Variants in FGF13 observed in about 807,000 individuals in gnomAD.
FGF13 encodes fibroblast growth factor homologous factor 2.
A neutral mutation model predicts 19.5 loss-of-function variants in FGF13; 2 were observed. The ratio of observed to expected loss-of-function variants is 0.10; its 90% CI spans 0.04 to 0.32. FGF13 has a LOEUF of 0.32. FGF13 is among the 10% of genes least tolerant of loss of function. FGF13 has a pLI of 1.00. For missense variants in FGF13, 113 were observed against 192.7 expected, an observed-to-expected ratio of 0.59 and a Z score of 2.45; for synonymous variants, 72 against 76.9, an observed-to-expected ratio of 0.94 and a Z score of 0.33.
intron 3 of FGF13, among the ~76,000 whole-genome samples, chrX:138,763,705 C>T (rs189613997): frequency 4.8e-4 from 54 of 111,678 alleles, no homozygotes; most frequent in African/African-American, 1.7e-3. Flanking sequence ...ACCCCCTGCC[C>T]GCCTTTAAGT....
At chrX:138,947,035 G>A in intron 1 of FGF13, among the ~76,000 whole-genome samples, 1 of 112,218 alleles carries the variant, frequency 8.9e-6, no homozygotes, top group Non-Finnish European at 1.9e-5. Flanking sequence ...CATTACGCCA[G>A]TGTGGCTAAA....
chrX:138,743,824 AACTC>A (rs1364647181), upstream of FGF13, among the ~76,000 whole-genome samples: 3 of 111,123 alleles, frequency 2.7e-5, no homozygotes, highest in African/African-American at 9.8e-5. Context: ...CCTATGTGGA[AACTC>A]ACTAAGAGAG....
chrX:138,715,938 CA>C (rs2090097482), upstream of FGF13: 1 of 112,102 alleles, frequency 8.9e-6, no homozygotes, highest in African/African-American at 3.2e-5. Context: ...TCTCAAGAGG[CA>C]TCTCCAGGAG....
intron 3 of FGF13, among the ~76,000 whole-genome samples, chrX:138,640,232 T>C (rs932304918): frequency 1.1e-4 from 12 of 111,486 alleles, no homozygotes; most frequent in African/African-American, 2.9e-4. Context: ...TATTGGGGAA[T>C]TGTTACAGCC....
chrX:138,643,506 A>G (rs1383525978), intron 3 of FGF13, among the ~76,000 whole-genome samples: 1 of 112,230 alleles, frequency 8.9e-6, no homozygotes, highest in African/African-American at 3.2e-5. Context: ...GATAGGCCAT[A>G]TGTCTTCAAG....
chrX:139,048,121 A>G (rs1257342367), intron 1 of FGF13, among the ~76,000 whole-genome samples: 2 of 111,604 alleles, frequency 1.8e-5, no homozygotes, highest in African/African-American at 6.5e-5. Context: ...CTAATACTTC[A>G]GTAGTTCTTT....
intron 4 of FGF13, among the ~76,000 whole-genome samples, chrX:138,633,474 A>G (rs2089144837): frequency 8.9e-6 from 1 of 112,112 alleles, no homozygotes; most frequent in African/African-American, 3.2e-5. Context: ...TGCATTTAAT[A>G]AACCTCTTAG....
chrX:138,694,507 G>A (rs1335050665), intron 3 of FGF13, among the ~76,000 whole-genome samples: 5 of 98,628 alleles, frequency 5.1e-5, no homozygotes, highest in Non-Finnish European at 8.1e-5. Context: ...CTGGAGTGCA[G>A]TGGCGCAATC....
chrX:139,130,135 C>T (rs1300487125), intron 1 of FGF13, among the ~76,000 whole-genome samples: 1 of 112,098 alleles, frequency 8.9e-6, no homozygotes, highest in African/African-American at 3.2e-5. Context: ...TTCTTCTATA[C>T]AAATTTTGCT....
At chrX:138,646,527 T>G (rs1026645308) in intron 3 of FGF13, among the ~76,000 whole-genome samples, 6 of 111,824 alleles carry the variant, frequency 5.4e-5, no homozygotes, top group African/African-American at 2.0e-4. Context: ...CCGCTTCTTT[T>G]TCCATTACAA....
upstream of FGF13, among the ~76,000 whole-genome samples, chrX:138,741,579 G>T (rs2090318085): frequency 9.0e-6 from 1 of 111,469 alleles, no homozygotes; most frequent in South Asian, 3.8e-4. Context: ...ACCTTCTTTT[G>T]CATTCCACAT....
chrX:138,993,933 T>C (rs762660473), intron 1 of FGF13, among the ~76,000 whole-genome samples: 3 of 111,791 alleles, frequency 2.7e-5, no homozygotes, highest in Non-Finnish European at 5.6e-5. Context: ...TCATGCTAAT[T>C]GATCCAACCT....
chrX:138,681,701 G>A (rs1012223705), intron 3 of FGF13, among the ~76,000 whole-genome samples: 2 of 111,956 alleles, frequency 1.8e-5, no homozygotes, highest in South Asian at 3.7e-4. Flanking sequence ...AGTAAGAGAA[G>A]TGCAACTCTT....
chrX:139,147,227 A>AG (rs959912308), intron 1 of FGF13, among the ~76,000 whole-genome samples: 5 of 109,028 alleles, frequency 4.6e-5, no homozygotes, highest in Non-Finnish European at 9.5e-5. Context: ...AAAAAAAAAA[A>AG]GGGATCCAAA....
At chrX:139,064,276 T>TAAAA (rs1483415275) in intron 1 of FGF13, among the ~76,000 whole-genome samples, 6 of 82,472 alleles carry the variant, frequency 7.3e-5, no homozygotes, top group Non-Finnish European at 1.1e-4. Context: ...GAGTTCTTTT[T>TAAAA]TTTTCTTTTT....
At chrX:138,776,907 T>G (rs1424342603) in intron 3 of FGF13, among the ~76,000 whole-genome samples, 1 of 111,476 alleles carries the variant, frequency 9.0e-6, no homozygotes, top group East Asian at 2.8e-4. Context: ...CCCAAAGTAT[T>G]AATACAAATA....
At position 138,623,777 on chromosome X, in the gene FGF13, A is replaced by C. The variant is rs937949551; in HGVS notation, c.*9073T>G. On this transcript the variant is annotated 3_prime_UTR_variant, in exon 5 of 5. Transcript: ENST00000315930. The stretch of plus-strand genomic sequence containing the variant: ...GGGTGACAGAGCAAGACTCCATCTC[A>C]AAAACAAACAAACAAACAAACAAAC... 2.7e-5 allele frequency: 3 copies of C among 111,468 alleles called. No individual in the cohort carries two copies. The highest frequency in any genetic ancestry group is 9.6e-5 in the Admixed American group (1 of 10,414). 9.2% of individuals were successfully genotyped at this position (111,468 alleles called of 1,213,427 possible).
At chrX:138,779,508 G>T (rs1179953365) in intron 3 of FGF13, among the ~76,000 whole-genome samples, 1 of 109,358 alleles carries the variant, frequency 9.1e-6, no homozygotes, top group African/African-American at 3.3e-5. Flanking sequence ...CGAGAACTAC[G>T]TGAAGAATGC....
intron 1 of FGF13, among the ~76,000 whole-genome samples, chrX:139,060,969 T>A (rs758258771): frequency 1.8e-5 from 2 of 111,690 alleles, no homozygotes; most frequent in African/African-American, 6.5e-5. Flanking sequence ...CTCTTCTTTA[T>A]AGACAATGCA....
Sources: gnomAD v4.1 joint callset for allele counts (sites outside exome capture counted in the v4.1 genomes callset) on GRCh38, gnomAD v4.1.1 for gene constraint, MANE v1.5 for transcripts, NCBI Gene and HGNC (gene_info 2026-07-23, HGNC 2026-07-21) for gene names.